SYNE1: variants seen among roughly 807,000 people sequenced by gnomAD.
SYNE1 encodes the protein spectrin repeat containing nuclear envelope protein 1, also known as nesprin-1.
Under a neutral mutation model 1,111.0 loss-of-function variants are expected in SYNE1, and 616 were observed. The observed-to-expected ratio is 0.55, with a 90% CI of 0.52 to 0.59. The LOEUF is 0.59. SYNE1 is among the 20% of genes least tolerant of loss of function. SYNE1 has a pLI of 0.00. For missense variants in SYNE1, 10,006 were observed against 10,417.0 expected (o/e 0.96, Z 1.72); for synonymous variants, 3,855 against 3,825.8 (o/e 1.01, Z -0.28).
At chr6:152,614,083 C>T (rs1167707702) in intron 3 of SYNE1, among the ~76,000 whole-genome samples, 1 of 152,134 alleles carries the variant, frequency 6.6e-6, no homozygotes, top group East Asian at 1.9e-4. Context: ...TGGGCAAGGA[C>T]TTCATGACTA....
chr6:152,563,053 T>TAC (rs34506864), intron 3 of SYNE1, among the ~76,000 whole-genome samples: 64,790 of 148,740 alleles, frequency 0.44, 14,371 homozygotes, highest in East Asian at 0.64. Context: ...GGAAAAAGAG[T>TAC]ACACACACAC....
intron 91 of SYNE1, 71 bp downstream of exon 91, chr6:152,308,418 T>G: frequency 6.2e-7 from 1 of 1,606,220 alleles, no homozygotes. Context: ...TCTTCCATTC[T>G]CTAGAAACCA....
intron 59 of SYNE1, among the ~76,000 whole-genome samples, chr6:152,372,214 A>T (rs542711754): frequency 2.8e-4 from 42 of 152,316 alleles, no homozygotes; most frequent in African/African-American, 9.6e-4. Context: ...TCTAGGCACA[A>T]TGGTTATCAC....
rs369298703 is a variant in SYNE1, at chr6:152,339,340, C to T, written c.12252G>A (p.Glu4084=). 18 of 1,613,806 alleles carry T rather than the reference C, an allele frequency of 1.1e-5. No individual in the cohort carries two copies. Among genetic ancestry groups the T allele is most frequent in the East Asian group, 2.2e-5 (1 of 44,874 alleles). The change falls in exon 75 of 146, where the codon GAG becomes GAA. Residue 4084 remains glutamate, a synonymous_variant. Transcript: ENST00000367255. ...KQVKHFRALQ[E]QARTYLDLLC... is the part of the protein sequence containing the mutation. ...GGAGATCTAGGTAGGTCCTTGCCTGCTCTTGCAAAGCTCTGAAGTGTTTGA... is the reference window on the plus strand; with the variant it reads ...GGAGATCTAGGTAGGTCCTTGCCTGTTCTTGCAAAGCTCTGAAGTGTTTGA...
chr6:152,235,005 A>T (rs2083665210), intron 110 of SYNE1, among the ~76,000 whole-genome samples: 1 of 152,160 alleles, frequency 6.6e-6, no homozygotes, highest in African/African-American at 2.4e-5. Context: ...CCTGTCTTTA[A>T]GCTGGGTATA....
chr6:152,575,386 T>G (rs934632264), intron 3 of SYNE1, among the ~76,000 whole-genome samples: 3 of 152,236 alleles, frequency 2.0e-5, no homozygotes, highest in African/African-American at 7.2e-5. Flanking sequence ...TCCTGGGTTC[T>G]GCATTAGATG....
intron 123 of SYNE1, among the ~76,000 whole-genome samples, chr6:152,211,891 G>A (rs910211931): frequency 2.0e-5 from 3 of 151,806 alleles, no homozygotes; most frequent in Non-Finnish European, 4.4e-5. Flanking sequence ...TTTGTTTTCT[G>A]GTTTATTTTG....
chr6:152,456,831 C>A, intron 22 of SYNE1: 1 of 354,412 alleles, frequency 2.8e-6, no homozygotes, highest in Non-Finnish European at 5.7e-6. Context: ...TCAAACTGCT[C>A]ATTTGGATGC....
chr6:152,326,296 C>T lies in SYNE1; in HGVS notation c.15293G>A (p.Arg5098Lys). Residue 5098 changes from arginine (R) to lysine (K), a missense_variant and splice_region_variant, in exon 79 of 146, where the codon AGA (arginine) becomes AAA (lysine). Around this residue, in one of 7 missense-constraint regions of SYNE1, gnomAD observed 4,955 missense variants for 5,017.2 expected, o/e 0.99. Coordinates refer to ENST00000367255, the MANE Select transcript of SYNE1 (RefSeq NM_182961.4). ...DSGAQVDLLQRCTAQWHDYQK... is the reference protein window; with the variant it reads ...DSGAQVDLLQKCTAQWHDYQK... ...TAAAACACAAAACATCCTGAAATACCTCTGCAAGAGATCCACTTGGGCACC... is the reference window on the plus strand; with the variant it reads ...TAAAACACAAAACATCCTGAAATACTTCTGCAAGAGATCCACTTGGGCACC... 6.2e-7 allele frequency: 1 copy of T among 1,614,092 alleles called. No individual in the cohort carries two copies. The highest frequency in any genetic ancestry group is 8.5e-7 in the Non-Finnish European group (1 of 1,180,002).
At position 152,549,079 on chromosome 6, in the gene SYNE1, T is replaced by C. The variant is rs182236427; in HGVS notation, c.68-9058A>G. Among the ~76,000 whole-genome samples the C allele has an allele frequency of 2.1e-4, 32 of 152,334 alleles. 1 individual carries two copies. In the East Asian group the frequency reaches 6.2e-3, roughly 29 times the overall value. ...CACGTGAATGAGGTCACCTTGGATC[T>C]TCAAGCTCAGTCAGCCCTGCAGATG... is the stretch of plus-strand genomic sequence containing the variant. On this transcript the variant is annotated intron_variant, in intron 3 of 145. Coordinates refer to ENST00000367255, the MANE Select transcript of SYNE1 (RefSeq NM_182961.4).
At chr6:152,394,863 G>A (rs891193718) in intron 51 of SYNE1, among the ~76,000 whole-genome samples, 10 of 136,714 alleles carry the variant, frequency 7.3e-5, no homozygotes, top group Non-Finnish European at 1.5e-4. Flanking sequence ...TCGGCTCACT[G>A]CAACCTTTGC....
At chr6:152,358,617 A>AT in intron 65 of SYNE1, 80 bp from the exon 66 acceptor site, 1 of 1,441,390 alleles carries the variant, frequency 6.9e-7, no homozygotes, top group Non-Finnish European at 9.7e-7. Context: ...CACTTTTGTA[A>AT]TTTTAGAAAA....
At chr6:152,492,402 T>C (rs1387738041) in intron 11 of SYNE1, among the ~76,000 whole-genome samples, 1 of 152,138 alleles carries the variant, frequency 6.6e-6, no homozygotes, top group Admixed American at 6.5e-5. Flanking sequence ...CCCAGCCACA[T>C]CTCCAGCACA....
intron 97 of SYNE1, among the ~76,000 whole-genome samples, chr6:152,279,627 GA>G (rs1208984398): frequency 6.7e-6 from 1 of 149,852 alleles, no homozygotes; most frequent in Non-Finnish European, 1.5e-5. Context: ...TGAGGTGGGA[GA>G]ATTGCTTGAA....
chr6:152,604,379 C>T (rs940914649), intron 3 of SYNE1, among the ~76,000 whole-genome samples: 32 of 151,988 alleles, frequency 2.1e-4, no homozygotes, highest in Admixed American at 1.2e-3. Flanking sequence ...CACAGCTCAC[C>T]GCAGCCTTGA....
intron 131 of SYNE1, among the ~76,000 whole-genome samples, chr6:152,159,858 T>C (rs2062096704): frequency 6.6e-6 from 1 of 152,208 alleles, no homozygotes; most frequent in South Asian, 2.1e-4. Context: ...TGAATTCTTG[T>C]ATAGTAGAGA....
chr6:152,347,702 A>G (rs2096662581), intron 72 of SYNE1, among the ~76,000 whole-genome samples: 1 of 143,708 alleles, frequency 7.0e-6, no homozygotes, highest in Admixed American at 7.1e-5. Flanking sequence ...TTTTTTTAAG[A>G]CAGAGTGTCA....
At chr6:152,132,059 A>C in intron 144 of SYNE1, 63 bp downstream of exon 144, 1 of 1,491,262 alleles carries the variant, frequency 6.7e-7, no homozygotes. Context: ...GGTGGGTGCA[A>C]ATACTGTCAC....
At chr6:152,214,850 G>T in intron 122 of SYNE1, 56 bp downstream of exon 122, 1 of 1,598,338 alleles carries the variant, frequency 6.3e-7, no homozygotes, top group South Asian at 1.1e-5. Flanking sequence ...TTGACATAGC[G>T]GCACAAACCA....
Sources: gnomAD v4.1 joint callset for allele counts (sites outside exome capture counted in the v4.1 genomes callset) on GRCh38, gnomAD v4.1.1 for gene constraint, gnomAD v4.1.1 regional missense constraint, MANE v1.5 for transcripts, NCBI Gene and HGNC (gene_info 2026-07-23, HGNC 2026-07-21) for gene names.